The following LDLRAD4 variants were observed in gnomAD, a reference collection of about 807,000 sequenced individuals.
LDLRAD4 encodes low-density lipoprotein receptor class A domain-containing protein 4.
In LDLRAD4, 5 loss-of-function variants were observed where a neutral mutation model predicts 17.0. The observed-to-expected ratio is 0.29, with a 90% CI of 0.15 to 0.62. LDLRAD4 has a LOEUF of 0.62. Ranked by LOEUF, LDLRAD4 falls within the 20% of genes least tolerant of loss-of-function variation. The pLI is 0.84. For synonymous variants in LDLRAD4, 168 were observed against 171.8 expected (o/e 0.98, Z 0.17); for missense variants, 340 against 424.7 (o/e 0.80, Z 1.75).
At chr18:13,641,543 G>A (rs1601877792) in intron 4 of LDLRAD4, among the ~76,000 whole-genome samples, 1 of 152,234 alleles carries the variant, frequency 6.6e-6, no homozygotes, top group African/African-American at 2.4e-5. Context: ...CTAGGGCAGC[G>A]GCCTCTGCCC....
At chr18:13,419,076 A>G (rs373219809) in intron 2 of LDLRAD4, among the ~76,000 whole-genome samples, 5 of 152,186 alleles carry the variant, frequency 3.3e-5, no homozygotes, top group Non-Finnish European at 5.9e-5. Flanking sequence ...CCTTAGGGCT[A>G]TATTTATAGA....
rs145969681 is a variant in LDLRAD4 at position 13,232,571 on chromosome 18, G to A, written c.-467+13583G>A. Among the ~76,000 whole-genome samples, 1,458 of 152,080 alleles carry A rather than the reference G, an allele frequency of 9.6e-3. 10 individuals are homozygous for A. The highest frequency in any genetic ancestry group is 0.014 in the Non-Finnish European group (926 of 68,008). The stretch of plus-strand genomic sequence containing the variant: ...GTGGCCTTGTCCGGGGGCTGCTGCT[G>A]CCCCGTGCTGTGCTCCACAAGCCTC... On this transcript the variant is annotated intron_variant, in intron 1 of 5. Coordinates refer to the LDLRAD4 transcript ENST00000399848.
intron 3 of LDLRAD4, among the ~76,000 whole-genome samples, chr18:13,465,683 C>A (rs973119133): frequency 4.6e-5 from 7 of 152,162 alleles, no homozygotes; most frequent in Non-Finnish European, 8.8e-5. Context: ...GGACACAACG[C>A]CAAAAGGAAA....
chr18:13,379,206 C>T (rs1302457363), intron 1 of LDLRAD4, among the ~76,000 whole-genome samples: 1 of 152,216 alleles, frequency 6.6e-6, no homozygotes, highest in African/African-American at 2.4e-5. Flanking sequence ...CCTCTGGCCC[C>T]TTTGTATAAG....
intron 1 of LDLRAD4, among the ~76,000 whole-genome samples, chr18:13,295,526 C>G (rs566273151): frequency 3.3e-5 from 5 of 152,322 alleles, no homozygotes; most frequent in Admixed American, 3.3e-4. Flanking sequence ...AACATATCTT[C>G]CCTATCCAGT....
At chr18:13,651,622 C>T (rs2043250322) in exon 6 of LDLRAD4, 3 of 152,188 alleles carry the variant, frequency 2.0e-5, no homozygotes, top group Non-Finnish European at 4.4e-5. Flanking sequence ...TTCAAATACC[C>T]TAATTTTAAA....
intron 2 of LDLRAD4, among the ~76,000 whole-genome samples, chr18:13,431,533 G>A (rs2090334229): frequency 6.6e-6 from 1 of 152,184 alleles, no homozygotes. Context: ...GTAATTGCAG[G>A]TCTGTAAGTC....
At chr18:13,637,051 G>A (rs1185279982) in intron 4 of LDLRAD4, among the ~76,000 whole-genome samples, 2 of 152,250 alleles carry the variant, frequency 1.3e-5, no homozygotes, top group Non-Finnish European at 2.9e-5. Flanking sequence ...ACTCACCTTG[G>A]CCTTGCAAAG....
At chr18:13,229,853 C>A (rs1442374731) in intron 1 of LDLRAD4, among the ~76,000 whole-genome samples, 5 of 152,224 alleles carry the variant, frequency 3.3e-5, no homozygotes, top group African/African-American at 4.8e-5. Context: ...ACAGGGCTAA[C>A]AACCATACCA....
chr18:13,448,990 C>T (rs942058518), intron 3 of LDLRAD4, among the ~76,000 whole-genome samples: 2 of 152,194 alleles, frequency 1.3e-5, no homozygotes, highest in African/African-American at 4.8e-5. Flanking sequence ...TTGCAGTAAT[C>T]ATTTTTTCAC....
intron 1 of LDLRAD4, among the ~76,000 whole-genome samples, chr18:13,271,893 C>CTTTTTTTT (rs753254188): frequency 1.3e-5 from 1 of 79,018 alleles, no homozygotes; most frequent in African/African-American, 5.3e-5. Context: ...CTGTTCAGTG[C>CTTTTTTTT]TTTTTTTTTT....
rs375022463 is a variant in LDLRAD4 at position 13,513,948 on chromosome 18, G to T, written c.181+75564G>T. On this transcript the variant is annotated intron_variant, in intron 3 of 5. Coordinates refer to ENST00000359446, the Ensembl canonical transcript of LDLRAD4. ...AATATAGGCTTTTTCAGCTAGAAGG[G>T]CCATAGCTCACCATTGTGGATCAAT... Among the ~76,000 whole-genome samples the T allele has an allele frequency of 1.2e-3, 189 of 152,332 alleles. 6 individuals are homozygous for T. The South Asian group carries it at 0.037, about 30-fold the overall frequency.
intron 3 of LDLRAD4, among the ~76,000 whole-genome samples, chr18:13,600,789 A>G (rs1355493156): frequency 6.6e-6 from 1 of 152,234 alleles, no homozygotes; most frequent in Non-Finnish European, 1.5e-5. Flanking sequence ...CTAAGCTTGT[A>G]AATTTTTTTA....
At position 13,554,627 on chromosome 18, in the gene LDLRAD4, C is replaced by T. The variant is rs183240651; in HGVS notation, c.182-66490C>T. On this transcript the variant is annotated intron_variant, in intron 3 of 5. Transcript: ENST00000359446. ...AACAGATCTTCACAATTTTTTGCTA[C>T]AATAACCTATTGCCCTTTAATAATA... is the stretch of plus-strand genomic sequence containing the variant. 5.3e-5 allele frequency among the ~76,000 whole-genome samples: 8 copies of T among 152,302 alleles called. No individual in the cohort carries two copies. In the East Asian group the frequency reaches 1.5e-3, roughly 29 times the overall value.
Position 13,518,477 on chromosome 18 carries a change from A to G in LDLRAD4, c.181+80093A>G, listed in dbSNP as rs187727208. On this transcript the variant is annotated intron_variant, in intron 3 of 5. Coordinates refer to ENST00000359446, the Ensembl canonical transcript of LDLRAD4. The stretch of plus-strand genomic sequence containing the variant: ...TTCTTTTCTTTTTAAGCTATTAAAC[A>G]TACTTAATTTTACCCACTCTATCTG... Among the ~76,000 whole-genome samples the G allele has an allele frequency of 7.2e-5, 11 of 152,342 alleles. No individual in the cohort carries two copies. In the East Asian group the frequency reaches 1.9e-3, roughly 27 times the overall value.
chr18:13,431,951 G>A (rs1273946703), intron 2 of LDLRAD4, among the ~76,000 whole-genome samples: 3 of 152,214 alleles, frequency 2.0e-5, no homozygotes, highest in African/African-American at 4.8e-5. Context: ...AGGTCAGAGC[G>A]TCACCAGTGA....
chr18:13,275,089 T>C (rs1208584005), upstream of LDLRAD4, among the ~76,000 whole-genome samples: 4 of 151,990 alleles, frequency 2.6e-5, no homozygotes, highest in African/African-American at 9.6e-5. Flanking sequence ...TGCCAGGAAA[T>C]TGGATTGGCA....
intron 3 of LDLRAD4, chr18:13,612,551 C>CG: frequency 6.9e-7 from 1 of 1,447,856 alleles, no homozygotes; most frequent in Non-Finnish European, 9.1e-7. Context: ...ACACACCCCC[C>CG]CCCCCTCCAC....
intron 4 of LDLRAD4, chr18:13,642,444 G>T: frequency 8.5e-7 from 1 of 1,180,456 alleles, no homozygotes; most frequent in East Asian, 3.8e-5. Context: ...CCTTTACTGA[G>T]GCCTGTGGCT....
Sources: gnomAD v4.1 joint callset for allele counts (sites outside exome capture counted in the v4.1 genomes callset) on GRCh38, gnomAD v4.1.1 for gene constraint, MANE v1.5 for transcripts, NCBI Gene and HGNC (gene_info 2026-07-23, HGNC 2026-07-21) for gene names.